The following CALN1 variants were observed in gnomAD, a reference collection of about 807,000 sequenced individuals.
CALN1 encodes calneuron 1.
Under a neutral mutation model 30.6 loss-of-function variants are expected in CALN1, and 17 were observed. That is an observed-to-expected ratio of 0.56 (90% CI 0.38 to 0.83). CALN1 has a LOEUF of 0.83. CALN1 is among the 40% of genes least tolerant of loss of function. CALN1 has a pLI of 0.00. For missense variants in CALN1, 291 were observed against 354.9 expected (o/e 0.82, Z 1.45); for synonymous variants, 156 against 131.4 (o/e 1.19, Z -1.28).
intron 5 of CALN1, among the ~76,000 whole-genome samples, chr7:71,986,765 T>C (rs1427259403): frequency 6.6e-6 from 1 of 152,240 alleles, no homozygotes; most frequent in Non-Finnish European, 1.5e-5. Context: ...ACAGGTGATT[T>C]GTTATATAAC....
At chr7:71,810,315 G>T (rs1370520380) in intron 6 of CALN1, 21 bp downstream of exon 6, 2 of 1,611,800 alleles carry the variant, frequency 1.2e-6, no homozygotes, top group South Asian at 1.1e-5. Flanking sequence ...CCGGGGAGGG[G>T]ATGGCAGCAG....
intron 1 of CALN1, among the ~76,000 whole-genome samples, chr7:72,409,959 C>T (rs1196577793): frequency 1.3e-5 from 2 of 152,196 alleles, no homozygotes; most frequent in Non-Finnish European, 2.9e-5. Flanking sequence ...CCCCTTGGTC[C>T]TTTCCTCTAA....
At chr7:71,868,134 C>T (rs562213474) in intron 5 of CALN1, among the ~76,000 whole-genome samples, 52 of 152,092 alleles carry the variant, frequency 3.4e-4, no homozygotes, top group African/African-American at 1.2e-3. Flanking sequence ...CAGTATAATT[C>T]GGAAGAAGGG....
intron 5 of CALN1, among the ~76,000 whole-genome samples, chr7:71,876,841 A>G (rs1329882444): frequency 6.6e-6 from 1 of 152,158 alleles, no homozygotes; most frequent in Non-Finnish European, 1.5e-5. Context: ...GACCCACCAC[A>G]TTATTACTGT....
intron 1 of CALN1, among the ~76,000 whole-genome samples, chr7:72,429,943 C>T (rs1807919799): frequency 6.6e-6 from 1 of 150,458 alleles, no homozygotes; most frequent in Admixed American, 6.6e-5. Flanking sequence ...CCTCTGCCTC[C>T]CGAGTAGCTG....
chr7:71,916,660 G>A (rs1487484389), intron 5 of CALN1, among the ~76,000 whole-genome samples: 3 of 152,062 alleles, frequency 2.0e-5, no homozygotes, highest in Non-Finnish European at 1.5e-5. Context: ...CACACACTGG[G>A]CACCTGTGCT....
At chr7:72,176,698 C>T (rs972487764) in intron 3 of CALN1, among the ~76,000 whole-genome samples, 2 of 152,124 alleles carry the variant, frequency 1.3e-5, no homozygotes, top group African/African-American at 4.8e-5. Context: ...AAACTTCAGG[C>T]CTTTCTTCCT....
chr7:72,289,751 T>A (rs1449348503), intron 2 of CALN1, among the ~76,000 whole-genome samples: 1 of 152,160 alleles, frequency 6.6e-6, no homozygotes, highest in African/African-American at 2.4e-5. Flanking sequence ...ATTTATTACC[T>A]TGATTTTTCA....
rs573390062 is a variant in CALN1 at position 72,385,999 on chromosome 7, A to G, written c.119+17252T>C. Among the ~76,000 whole-genome samples the G allele has an allele frequency of 7.2e-5, 11 of 152,330 alleles. No individual in the cohort carries two copies. In the East Asian group the frequency reaches 2.1e-3, roughly 29 times the overall value. On this transcript the variant is annotated intron_variant, in intron 2 of 6. Transcript: ENST00000395275. ...AGACACGGATTGATCTTAAATTCAT[A>G]TATGTAAGTGAGAGAAGCCAGTTTG... is the stretch of plus-strand genomic sequence containing the variant.
At chr7:72,419,278 T>G (rs981584062) in intron 1 of CALN1, among the ~76,000 whole-genome samples, 9 of 152,194 alleles carry the variant, frequency 5.9e-5, no homozygotes, top group African/African-American at 2.2e-4. Flanking sequence ...CAACCCATTT[T>G]AGACCATTTT....
chr7:71,957,456 C>T (rs1211045416), intron 5 of CALN1, among the ~76,000 whole-genome samples: 1 of 152,032 alleles, frequency 6.6e-6, no homozygotes, highest in Non-Finnish European at 1.5e-5. Flanking sequence ...TTTCACTCTG[C>T]AAAAAATCAA....
At chr7:71,858,363 G>C (rs1791076290) in intron 5 of CALN1, among the ~76,000 whole-genome samples, 1 of 152,034 alleles carries the variant, frequency 6.6e-6, no homozygotes, top group South Asian at 2.1e-4. Flanking sequence ...CCAATCTCGG[G>C]TATGTCTTTA....
At chr7:72,440,402 C>G (rs1425957993) in intron 1 of CALN1, among the ~76,000 whole-genome samples, 2 of 152,156 alleles carry the variant, frequency 1.3e-5, no homozygotes, top group Non-Finnish European at 2.9e-5. Context: ...AGTTTTATGA[C>G]CAGCCAGGCA....
chr7:72,489,305 T>C, the CALN1 span, among the ~76,000 whole-genome samples: 2 of 152,248 alleles, frequency 1.3e-5, no homozygotes, highest in Non-Finnish European at 2.9e-5. Context: ...CCTTGCTGAG[T>C]ACCTGTGATC....
chr7:71,800,984 C>T (rs1787265717), intron 6 of CALN1, among the ~76,000 whole-genome samples: 1 of 152,048 alleles, frequency 6.6e-6, no homozygotes, highest in Non-Finnish European at 1.5e-5. Flanking sequence ...CCCTGACAGG[C>T]CCCGGTGTGT....
chr7:72,263,187 CTGTG>C lies in CALN1; in HGVS notation c.244+15495_244+15498del, dbSNP rs1209748454. ...TACTATTCCTGCTATTGTTCCCATA[CTGTG>C]TGTATTTGGCATGCAGTAAGTGCCC... On this transcript the variant is annotated intron_variant, in intron 3 of 6. Transcript: ENST00000395275. 7.9e-5 allele frequency among the ~76,000 whole-genome samples: 12 copies of C among 152,230 alleles called. No homozygotes were observed. The East Asian group carries it at 1.9e-3, about 24-fold the overall frequency.
intron 2 of CALN1, among the ~76,000 whole-genome samples, chr7:72,328,473 G>A (rs1012364430): frequency 1.3e-5 from 2 of 152,196 alleles, no homozygotes; most frequent in Non-Finnish European, 2.9e-5. Context: ...TGGTACTACT[G>A]TGAGTGCATC....
rs117952861 is a variant in CALN1 at position 71,974,716 on chromosome 7, G to C, written c.501+48941C>G. The stretch of plus-strand genomic sequence containing the variant: ...CATCCGCAGAGATGTCTGTGACTTG[G>C]AAAGTGCAGCCACAGACGTTCTTTT... On this transcript the variant is annotated intron_variant, in intron 5 of 6. Coordinates refer to ENST00000395275, the MANE Select transcript of CALN1 (RefSeq NM_031468.4). Among the ~76,000 whole-genome samples, 787 of 152,278 alleles carry C rather than the reference G, an allele frequency of 5.2e-3. 48 individuals carry two copies. In the East Asian group the frequency reaches 0.13, roughly 26 times the overall value.
chr7:72,142,336 G>C (rs1035053971), intron 3 of CALN1, among the ~76,000 whole-genome samples: 1 of 152,208 alleles, frequency 6.6e-6, no homozygotes, highest in Non-Finnish European at 1.5e-5. Flanking sequence ...TTCCGTGCCT[G>C]GCTCAGAGGA....
Sources: gnomAD v4.1 joint callset for allele counts (sites outside exome capture counted in the v4.1 genomes callset) on GRCh38, gnomAD v4.1.1 for gene constraint, MANE v1.5 for transcripts, NCBI Gene and HGNC (gene_info 2026-07-23, HGNC 2026-07-21) for gene names.